Variants in PDE3A observed in about 807,000 individuals in gnomAD.
PDE3A encodes the protein phosphodiesterase 3A.
In PDE3A, 43 loss-of-function variants were observed where a neutral mutation model predicts 98.3. The observed-to-expected ratio is 0.44, with a 90% CI of 0.34 to 0.56. The LOEUF is 0.56. PDE3A is among the 20% of genes least tolerant of loss of function. The probability of loss-of-function intolerance (pLI) is 0.01; values close to 1 mark genes in which losing one functional copy is unlikely to be tolerated. For missense variants in PDE3A, 1,427 were observed against 1,440.7 expected, an observed-to-expected ratio of 0.99 and a Z score of 0.15; for synonymous variants, 663 against 567.9, an observed-to-expected ratio of 1.17 and a Z score of -2.38.
intron 1 of PDE3A, among the ~76,000 whole-genome samples, chr12:20,403,085 C>T (rs760072960): frequency 2.6e-5 from 4 of 152,124 alleles, no homozygotes; most frequent in Non-Finnish European, 5.9e-5. Flanking sequence ...GTTGCTGTTA[C>T]ATTGGTAACC....
At position 20,684,556 on chromosome 12, in the gene PDE3A, C is replaced by CT. The variant is rs1945899659; in HGVS notation, c.*4286dup. 6.6e-6 allele frequency among the ~76,000 whole-genome samples: 1 copy of CT among 152,152 alleles called. No homozygotes were observed. The highest frequency in any genetic ancestry group is 2.4e-5 in the African/African-American group (1 of 41,438). On this transcript the variant is annotated 3_prime_UTR_variant, in exon 16 of 16. Transcript: ENST00000359062. ...AATATCTATGTACTTTGAAGCCAAA[C>CT]TGAGTTTATTTCATTGATCGAACAA...
At chr12:20,451,035 T>G (rs895026237) in intron 1 of PDE3A, among the ~76,000 whole-genome samples, 1 of 152,166 alleles carries the variant, frequency 6.6e-6, no homozygotes, top group Non-Finnish European at 1.5e-5. Flanking sequence ...AGTTTCAGTT[T>G]TACAAAGCTC....
At chr12:20,416,842 G>A (rs1430041165) in intron 1 of PDE3A, among the ~76,000 whole-genome samples, 1 of 152,048 alleles carries the variant, frequency 6.6e-6, no homozygotes, top group Non-Finnish European at 1.5e-5. Flanking sequence ...AATTTAGAAG[G>A]AACTTCCTTT....
intron 2 of PDE3A, among the ~76,000 whole-genome samples, chr12:20,604,461 A>G (rs1031385696): frequency 1.3e-5 from 2 of 152,162 alleles, no homozygotes; most frequent in Non-Finnish European, 2.9e-5. Context: ...AATTATATAT[A>G]TGACAAAAAT....
intron 1 of PDE3A, among the ~76,000 whole-genome samples, chr12:20,374,990 A>T (rs777696737): frequency 6.6e-6 from 1 of 151,948 alleles, no homozygotes; most frequent in East Asian, 1.9e-4. Flanking sequence ...TGCTCCCGGA[A>T]GTGATGCATA....
At chr12:20,617,661 G>T (rs1022641355) in intron 4 of PDE3A, among the ~76,000 whole-genome samples, 1 of 152,084 alleles carries the variant, frequency 6.6e-6, no homozygotes, top group African/African-American at 2.4e-5. Context: ...ATTAGAGTCT[G>T]CCCATTTTGC....
At chr12:20,529,569 CT>C (rs1433796128) in intron 1 of PDE3A, among the ~76,000 whole-genome samples, 1 of 151,964 alleles carries the variant, frequency 6.6e-6, no homozygotes, top group African/African-American at 2.4e-5. Context: ...ACAGACACCC[CT>C]GGAGGGCAGA....
rs549888905 is a variant in PDE3A at position 20,680,640 on chromosome 12, G to T, written c.*369G>T. ...CACAATTTAGTAACATTTATATTAAGATATATATATAGTGGTCACTGTGAT... is the reference window on the plus strand; with the variant it reads ...CACAATTTAGTAACATTTATATTAATATATATATATAGTGGTCACTGTGAT... On this transcript the variant is annotated 3_prime_UTR_variant, in exon 16 of 16. Transcript: ENST00000359062. The T allele has an allele frequency of 5.8e-6, 1 of 171,050 alleles. No homozygotes were observed. Among genetic ancestry groups the T allele is most frequent in the Admixed American group, 6.0e-5 (1 of 16,722 alleles). The allele number at this position is 171,050 out of a possible 1,614,324, so 10.6% of individuals were successfully genotyped here.
chr12:20,513,574 C>T (rs2121124639), intron 1 of PDE3A, among the ~76,000 whole-genome samples: 1 of 152,132 alleles, frequency 6.6e-6, no homozygotes, highest in East Asian at 1.9e-4. Context: ...ATGTAGTTTT[C>T]CCAGTTGTAT....
chr12:20,455,918 C>T (rs561634381), intron 1 of PDE3A, among the ~76,000 whole-genome samples: 19 of 152,010 alleles, frequency 1.2e-4, no homozygotes, highest in Non-Finnish European at 2.2e-4. Context: ...TGCATCAAAG[C>T]GTTCATCCCT....
intron 13 of PDE3A, 21 bp from the exon 14 acceptor site, chr12:20,650,424 T>G: frequency 6.4e-7 from 1 of 1,554,998 alleles, no homozygotes; most frequent in Non-Finnish European, 8.8e-7. Flanking sequence ...AAAACATATA[T>G]TAACTTTATC....
At chr12:20,550,548 T>C (rs959676498) in intron 1 of PDE3A, among the ~76,000 whole-genome samples, 1 of 152,092 alleles carries the variant, frequency 6.6e-6, no homozygotes, top group Non-Finnish European at 1.5e-5. Context: ...TTTGAGATGA[T>C]ATAATGCCAG....
At chr12:20,450,046 T>C (rs1945037219) in intron 1 of PDE3A, 1 of 627,880 alleles carries the variant, frequency 1.6e-6, no homozygotes, top group Non-Finnish European at 3.0e-6. Context: ...CATTCCACAA[T>C]TGCATATTTC....
intron 2 of PDE3A, among the ~76,000 whole-genome samples, chr12:20,599,134 T>G (rs1053490691): frequency 6.6e-6 from 1 of 152,206 alleles, no homozygotes; most frequent in African/African-American, 2.4e-5. Flanking sequence ...GAGTCTAGTC[T>G]GCTAATGGAC....
intron 15 of PDE3A, among the ~76,000 whole-genome samples, chr12:20,659,239 A>G (rs11045372): frequency 0.61 from 93,162 of 151,884 alleles, 28,880 homozygotes; most frequent in East Asian, 0.8. Context: ...TTCTGTGTCT[A>G]TATGGTTCAA....
intron 15 of PDE3A, among the ~76,000 whole-genome samples, chr12:20,654,841 G>A (rs1012968665): frequency 1.3e-5 from 2 of 152,090 alleles, no homozygotes; most frequent in East Asian, 1.9e-4. Flanking sequence ...ATTTAAAAGT[G>A]AAAGAATTTC....
chr12:20,620,859 C>T (rs1944116320), intron 4 of PDE3A, among the ~76,000 whole-genome samples: 1 of 151,818 alleles, frequency 6.6e-6, no homozygotes, highest in Non-Finnish European at 1.5e-5. Context: ...CATGGTCATT[C>T]AATTTTTGAA....
intron 1 of PDE3A, among the ~76,000 whole-genome samples, chr12:20,498,621 A>C (rs1303669910): frequency 6.6e-6 from 1 of 151,296 alleles, no homozygotes; most frequent in Non-Finnish European, 1.5e-5. Flanking sequence ...CCTGGAACCA[A>C]TCTGCCATGG....
intron 1 of PDE3A, among the ~76,000 whole-genome samples, chr12:20,389,133 G>A (rs956715104): frequency 5.9e-5 from 9 of 151,940 alleles, no homozygotes; most frequent in East Asian, 3.9e-4. Context: ...CGGTTCTGTC[G>A]AAGGAGAGTT....
Sources: allele counts gnomAD v4.1 joint callset (sites outside exome capture counted in the v4.1 genomes callset), GRCh38; gene constraint gnomAD v4.1.1; transcripts MANE v1.5; gene names NCBI Gene and HGNC (gene_info 2026-07-23, HGNC 2026-07-21).